Variants in TSC22D1 observed in about 807,000 individuals in gnomAD.
TSC22D1 encodes the protein TSC22 domain family protein 1.
Under a neutral mutation model 74.2 loss-of-function variants are expected in TSC22D1, and 9 were observed. The ratio of observed to expected loss-of-function variants is 0.12; its 90% CI spans 0.07 to 0.21. The LOEUF (loss-of-function observed/expected upper bound fraction) is 0.21. Ranked by LOEUF, TSC22D1 falls within the 10% of genes least tolerant of loss-of-function variation. The pLI, the probability that TSC22D1 is intolerant of heterozygous loss-of-function variation, is 1.00. For missense variants in TSC22D1, 1,427 were observed against 1,304.7 expected (o/e 1.09, Z -1.44); for synonymous variants, 586 against 492.5 (o/e 1.19, Z -2.51).
intron 1 of TSC22D1, among the ~76,000 whole-genome samples, chr13:44,465,122 T>C (rs1375700652): frequency 6.6e-6 from 1 of 152,174 alleles, no homozygotes; most frequent in Non-Finnish European, 1.5e-5. Context: ...TAGGAACATA[T>C]ATATCGTGGC....
Position 44,575,488 on chromosome 13 carries a change from A to T in TSC22D1, c.587T>A (p.Leu196His). The T allele has an allele frequency of 6.2e-7, 1 of 1,614,170 alleles. No individual in the cohort carries two copies. Among genetic ancestry groups the T allele is most frequent in the Non-Finnish European group, 8.5e-7 (1 of 1,180,030 alleles). Reference protein sequence around the residue: ...PGAVSPNQPHLPQPHLPHLPQ... With the variant: ...PGAVSPNQPHHPQPHLPHLPQ... ...AAGGTGAGGCAAATGAGGCTGAGGA[A>T]GGTGGGGCTGGTTGGGAGAGACTGC... Residue 196 changes from leucine to histidine, a missense_variant, in exon 1 of 3, where the codon CTT (leucine) becomes CAT (histidine). Around this residue, in one of 3 missense-constraint regions of TSC22D1, gnomAD observed 1,343 missense variants for 1,191.5 expected, o/e 1.13. Transcript: ENST00000458659.
intron 1 of TSC22D1, among the ~76,000 whole-genome samples, chr13:44,439,222 A>G (rs892794420): frequency 1.3e-5 from 2 of 152,234 alleles, no homozygotes; most frequent in African/African-American, 4.8e-5. Flanking sequence ...ATTGCAAGGA[A>G]CATCCTTCTA....
Position 44,433,339 on chromosome 13 carries a change from T to C in TSC22D1, c.*1287A>G, listed in dbSNP as rs61949763. Reference sequence around the variant, plus strand: ...AGCTGGACTCCTCCACTGTCTCTTCTCTTACCTGCTGAACAACTCAATGTG... The same window carrying C: ...AGCTGGACTCCTCCACTGTCTCTTCCCTTACCTGCTGAACAACTCAATGTG... On this transcript the variant is annotated 3_prime_UTR_variant, in exon 3 of 3. Coordinates refer to ENST00000458659, the MANE Select transcript of TSC22D1 (RefSeq NM_183422.4). 19,090 of 152,444 alleles carry C rather than the reference T, an allele frequency of 0.13. 1,345 individuals carry two copies. Among genetic ancestry groups the C allele is most frequent in the African/African-American group, 0.19 (8,064 of 41,514 alleles). The allele number at this position is 152,444 out of a possible 1,614,324, so 9.4% of individuals were successfully genotyped here. A position where few individuals can be genotyped will look rare whatever the true frequency, so the allele number is the denominator to read the frequency against.
intron 1 of TSC22D1, among the ~76,000 whole-genome samples, chr13:44,481,039 G>A (rs1317261129): frequency 6.6e-6 from 1 of 152,198 alleles, no homozygotes; most frequent in African/African-American, 2.4e-5. Context: ...ACGTTTAAGA[G>A]AGCTGGGGAG....
At chr13:44,564,673 G>A (rs894175063) in intron 1 of TSC22D1, among the ~76,000 whole-genome samples, 1 of 152,108 alleles carries the variant, frequency 6.6e-6, no homozygotes, top group Non-Finnish European at 1.5e-5. Flanking sequence ...TAAATGGAAA[G>A]GCTTAAAAGG....
At chr13:44,487,230 G>A (rs1878468393) in intron 1 of TSC22D1, among the ~76,000 whole-genome samples, 1 of 151,944 alleles carries the variant, frequency 6.6e-6, no homozygotes, top group Non-Finnish European at 1.5e-5. Context: ...CAGGTGTGGT[G>A]GCTCACGCCT....
chr13:44,500,992 G>T (rs1479860126), intron 1 of TSC22D1, among the ~76,000 whole-genome samples: 1 of 152,150 alleles, frequency 6.6e-6, no homozygotes, highest in East Asian at 1.9e-4. Flanking sequence ...GGTCCAACTG[G>T]TATATTTAAT....
intron 1 of TSC22D1, among the ~76,000 whole-genome samples, chr13:44,571,736 C>T (rs1018483070): frequency 3.9e-5 from 6 of 151,980 alleles, no homozygotes; most frequent in Non-Finnish European, 5.9e-5. Context: ...AGGAAACTAC[C>T]TCCTAAAAGT....
intron 1 of TSC22D1, among the ~76,000 whole-genome samples, chr13:44,471,507 T>C (rs1388420147): frequency 1.3e-5 from 2 of 152,216 alleles, no homozygotes; most frequent in Non-Finnish European, 2.9e-5. Flanking sequence ...AATTTTTAAC[T>C]ACAAGTAGAG....
At chr13:44,458,789 C>T (rs907772829) in intron 1 of TSC22D1, among the ~76,000 whole-genome samples, 19 of 152,182 alleles carry the variant, frequency 1.2e-4, no homozygotes, top group African/African-American at 4.3e-4. Context: ...GCGCTCGGGG[C>T]AGCAGCTGAC....
rs150399174 is a variant in TSC22D1, at chr13:44,465,398, T to C, written c.2913-29303A>G. Among the ~76,000 whole-genome samples the C allele has an allele frequency of 1.3e-3, 203 of 152,296 alleles. 1 individual carries two copies. The highest frequency in any genetic ancestry group is 4.5e-3 in the African/African-American group (187 of 41,564). On this transcript the variant is annotated intron_variant, in intron 1 of 2. Coordinates refer to ENST00000458659, the MANE Select transcript of TSC22D1 (RefSeq NM_183422.4). ...CTGTGGGGGGACACGAGCATGACAA[T>C]GATGAGACTAATTCAGTGGTTCTCA...
In TSC22D1 at chr13:44,573,813, A is replaced by G; in HGVS notation, c.2262T>C (p.Ile754=). The G allele has an allele frequency of 3.1e-6, 5 of 1,614,228 alleles. No homozygotes were observed. The highest frequency in any genetic ancestry group is 4.2e-6 in the Non-Finnish European group (5 of 1,180,038). Residue 754 remains isoleucine (I), a synonymous_variant, in exon 1 of 3, where the codon ATT becomes ATC. Transcript: ENST00000458659. ...QPSTQVPPSV[I]QQGAPPSSQV... ...GCGAAGATGGAGGAGCACCCTGCTG[A>G]ATAACTGAAGGTGGAACCTGGGTAG...
At chr13:44,520,259 C>G (rs1426595885) in intron 1 of TSC22D1, among the ~76,000 whole-genome samples, 2 of 152,062 alleles carry the variant, frequency 1.3e-5, no homozygotes, top group African/African-American at 4.8e-5. Context: ...AAAAACTGGC[C>G]AGAAAGACAG....
chr13:44,442,676 G>C (rs996847034), intron 1 of TSC22D1, among the ~76,000 whole-genome samples: 1 of 152,088 alleles, frequency 6.6e-6, no homozygotes, highest in African/African-American at 2.4e-5. Flanking sequence ...CAGCACTTTG[G>C]GAGGCCGAGG....
chr13:44,460,313 T>C lies in TSC22D1; in HGVS notation c.2913-24218A>G, dbSNP rs557754485. On this transcript the variant is annotated intron_variant, in intron 1 of 2. Transcript: ENST00000458659. ...TGGCCTAATATAAAAAGTATTATTATAGATTACTTCCAAAGGAAATTTTTT... is the reference window on the plus strand; with the variant it reads ...TGGCCTAATATAAAAAGTATTATTACAGATTACTTCCAAAGGAAATTTTTT... Among the ~76,000 whole-genome samples the C allele has an allele frequency of 1.2e-4, 19 of 152,312 alleles. No homozygotes were observed. The South Asian group carries it at 3.7e-3, about 30-fold the overall frequency.
intron 1 of TSC22D1, chr13:44,474,351 A>G: frequency 1.2e-6 from 1 of 863,462 alleles, no homozygotes; most frequent in Non-Finnish European, 1.4e-6. Flanking sequence ...TAGTCCCAAA[A>G]TTCCATCTGT....
At chr13:44,470,664 C>G (rs1183157448) in intron 1 of TSC22D1, among the ~76,000 whole-genome samples, 1 of 152,136 alleles carries the variant, frequency 6.6e-6, no homozygotes, top group Non-Finnish European at 1.5e-5. Flanking sequence ...CCCCCAAATA[C>G]CCTGTGTCAC....
chr13:44,525,156 C>T (rs1362449447), intron 1 of TSC22D1, among the ~76,000 whole-genome samples: 1 of 152,100 alleles, frequency 6.6e-6, no homozygotes, highest in Non-Finnish European at 1.5e-5. Context: ...GGTGAAAGCC[C>T]AGGGGCACTG....
In TSC22D1 at chr13:44,515,304, AT is replaced by A. The variant is rs566530368; in HGVS notation, c.2912+57858del. 4.1e-4 allele frequency among the ~76,000 whole-genome samples: 62 copies of A among 150,714 alleles called. No homozygotes were observed. In the South Asian group the frequency reaches 6.1e-3, roughly 15 times the overall value. The stretch of plus-strand genomic sequence containing the variant: ...CCATGAGACACAATCCTCTACAACT[AT>A]TTTTTTTTTAAAAAGAATAAGGTAG... On this transcript the variant is annotated intron_variant, in intron 1 of 2. Transcript: ENST00000458659.
Sources: gnomAD v4.1 joint callset for allele counts (sites outside exome capture counted in the v4.1 genomes callset) on GRCh38, gnomAD v4.1.1 for gene constraint, gnomAD v4.1.1 regional missense constraint, MANE v1.5 for transcripts, NCBI Gene and HGNC (gene_info 2026-07-23, HGNC 2026-07-21) for gene names.